Variants in ATAD3A observed in about 807,000 individuals in gnomAD.
The protein encoded by ATAD3A is ATPase family AAA domain containing 3A.
A neutral mutation model predicts 73.8 loss-of-function variants in ATAD3A; 46 were observed. The observed-to-expected ratio is 0.62, with a 90% confidence interval of 0.49 to 0.80. The LOEUF is 0.80. Among genes scored for constraint, ATAD3A ranks in the 30% least tolerant of loss-of-function variants. The pLI is 0.00. For missense variants in ATAD3A, 705 were observed against 838.0 expected (o/e 0.84, Z 1.96); for synonymous variants, 319 against 350.0 (o/e 0.91, Z 0.99).
In ATAD3A at chr1:1,518,975, G is replaced by C; in HGVS notation, c.499G>C (p.Glu167Gln). 1 of 1,614,166 alleles carries C rather than the reference G, an allele frequency of 6.2e-7. No homozygotes were observed. The highest frequency in any genetic ancestry group is 8.5e-7 in the Non-Finnish European group (1 of 1,179,994). The change falls in exon 5 of 16, where the codon GAA (glutamate) becomes CAA (glutamine). Residue 167 changes from glutamate (E) to glutamine (Q), a missense_variant. This residue lies in a region of ATAD3A where 315 missense variants were observed against 334.1 expected (regional missense o/e 0.94). Coordinates refer to ENST00000378756, the MANE Select transcript of ATAD3A (RefSeq NM_001170535.3). ...GCAGGAGGAGTCCGTGCAGAAGCAG[G>C]AAGCCATGCGGCGAGGTAGGCTGTC... is the stretch of plus-strand genomic sequence containing the variant. ...RKQEESVQKQ[E>Q]AMRRATVERE...
At chr1:1,516,960 C>A (rs1478279459) in intron 2 of ATAD3A, 12 of 883,742 alleles carry the variant, frequency 1.4e-5, no homozygotes, top group Non-Finnish European at 2.0e-5. Flanking sequence ...GATCCACCCA[C>A]TTTGGCCTCC....
intron 12 of ATAD3A, 84 bp downstream of exon 12, chr1:1,525,375 C>T: frequency 7.1e-7 from 1 of 1,408,354 alleles, no homozygotes; most frequent in Non-Finnish European, 1.0e-6. Context: ...GCCCTCTGTT[C>T]AGTTTCTTTT....
rs115625686 is a variant in ATAD3A, at chr1:1,526,067, C to T, written c.1267-394C>T. On this transcript the variant is annotated intron_variant, in intron 12 of 15. Transcript: ENST00000378756. ...AGGCAGAATTTTACTCTGTTGCCCA[C>T]GCTGGAGTGCAGCGGTGCAATTTCA... is the stretch of plus-strand genomic sequence containing the variant. Among the ~76,000 whole-genome samples, 1,098 of 150,866 alleles carry T rather than the reference C, an allele frequency of 7.3e-3. 14 individuals carry two copies. The highest frequency in any genetic ancestry group is 0.025 in the African/African-American group (1,044 of 40,972).
At position 1,534,536 on chromosome 1, in the gene ATAD3A, T is replaced by A. The variant is rs1440249488; in HGVS notation, c.*464T>A. 2.2e-6 allele frequency: 1 copy of A among 461,962 alleles called. No individual in the cohort carries two copies. The highest frequency in any genetic ancestry group is 3.2e-6 in the Non-Finnish European group (1 of 310,846). 28.6% of individuals were successfully genotyped at this position (461,962 alleles called of 1,614,324 possible). ...ACCCTGCTTCCCCCTGTGGCCGGCATGCCCCGATCTTTCACACACTGGTGA... is the reference window on the plus strand; with the variant it reads ...ACCCTGCTTCCCCCTGTGGCCGGCAAGCCCCGATCTTTCACACACTGGTGA... On this transcript the variant is annotated 3_prime_UTR_variant, in exon 16 of 16. Transcript: ENST00000378756.
chr1:1,526,031 T>C (rs1641830943), intron 12 of ATAD3A, among the ~76,000 whole-genome samples: 1 of 151,714 alleles, frequency 6.6e-6, no homozygotes, highest in Admixed American at 6.6e-5. Context: ...TTTTTCTTTT[T>C]TTTTTTTTTA....
Position 1,520,309 on chromosome 1 carries a change from G to A in ATAD3A, c.680+3G>A, listed in dbSNP as rs762357408. The A allele has an allele frequency of 6.2e-7, 1 of 1,610,802 alleles. No individual in the cohort carries two copies. The highest frequency in any genetic ancestry group is 1.3e-5 in the African/African-American group (1 of 74,972). The stretch of plus-strand genomic sequence containing the variant: ...CAGACCGTCTTGGAGTCCATCAGGT[G>A]AGCACTGCCGAGGCCCGGGCCGGCC... On this transcript the variant is annotated splice_donor_region_variant and intron_variant, in intron 6 of 15. Coordinates refer to ENST00000378756, the MANE Select transcript of ATAD3A (RefSeq NM_001170535.3). The surrounding 1 kb of genome is among the most constrained non-coding windows in gnomAD (Gnocchi z 4.0).
At chr1:1,522,341 A>G (rs567512030) in intron 7 of ATAD3A, among the ~76,000 whole-genome samples, 69 of 152,264 alleles carry the variant, frequency 4.5e-4, no homozygotes, top group Non-Finnish European at 9.0e-4. Flanking sequence ...GTGCCCAGCC[A>G]GCCTAATTGA....
At chr1:1,530,825 T>A in intron 15 of ATAD3A, among the ~76,000 whole-genome samples, 1 of 70,844 alleles carries the variant, frequency 1.4e-5, no homozygotes, top group Non-Finnish European at 2.3e-5. Flanking sequence ...CGAGACTCCG[T>A]CTCAAAAAAA....
intron 4 of ATAD3A, 107 bp from the exon 5 acceptor site, chr1:1,518,814 A>G: frequency 6.3e-7 from 1 of 1,594,880 alleles, no homozygotes; most frequent in Middle Eastern, 1.7e-4. Context: ...CACCCCGCAA[A>G]CGGGCACACT....
chr1:1,521,027 C>G (rs1459961755), intron 7 of ATAD3A, among the ~76,000 whole-genome samples: 1 of 151,974 alleles, frequency 6.6e-6, no homozygotes, highest in Non-Finnish European at 1.5e-5. Context: ...ATAGTCGTGG[C>G]TCACACCTGT....
rs758062082 is a variant in ATAD3A at position 1,523,880 on chromosome 1, A to C, written c.1005A>C (p.Thr335=). ...GGGTGCGCGACATCGCCATAGCAAC[A>C]AGGAACACCAAGAAGAACCGCAGCC... ...EARVRDIAIA[T]RNTKKNRSLY... Residue 335 remains threonine, a synonymous_variant, in exon 10 of 16, where the codon ACA becomes ACC. Coordinates refer to ENST00000378756, the MANE Select transcript of ATAD3A (RefSeq NM_001170535.3). The surrounding 1 kb of genome is among the most constrained non-coding windows in gnomAD (Gnocchi z 5.1). The C allele has an allele frequency of 3.3e-5, 54 of 1,613,866 alleles. No homozygotes were observed. Among genetic ancestry groups the C allele is most frequent in the Non-Finnish European group, 3.9e-5 (46 of 1,179,970 alleles).
intron 15 of ATAD3A, among the ~76,000 whole-genome samples, chr1:1,530,776 C>G (rs1642005150): frequency 1.8e-5 from 2 of 110,372 alleles, no homozygotes; most frequent in Non-Finnish European, 3.1e-5. Context: ...TTGCAGTGAG[C>G]CGAGATCCCG....
intron 14 of ATAD3A, among the ~76,000 whole-genome samples, chr1:1,528,433 A>C (rs901985249): frequency 2.6e-5 from 4 of 151,898 alleles, no homozygotes; most frequent in Non-Finnish European, 5.9e-5. Context: ...CTGGAGGGAG[A>C]GGCTCCTCAT....
Position 1,516,017 on chromosome 1 carries a change from G to A in ATAD3A, c.211G>A (p.Ala71Thr). Residue 71 changes from alanine (A) to threonine (T), a missense_variant, in exon 2 of 16, where the codon GCC (alanine) becomes ACC (threonine). Physicochemically the swap from Ala to Thr is moderately conservative, Grantham distance 58. Transcript: ENST00000378756. Reference protein sequence around the residue: ...AARELEHSRYAKDALNLAQMQ... With the variant: ...AARELEHSRYTKDALNLAQMQ... ...CCGTGTCCTTGCGTCTGCAGGTTAT[G>A]CCAAGGACGCCCTGAATCTGGCACA... is the stretch of plus-strand genomic sequence containing the variant. 1 of 1,614,034 alleles carries A rather than the reference G, an allele frequency of 6.2e-7. No individual in the cohort carries two copies. Among genetic ancestry groups the A allele is most frequent in the Non-Finnish European group, 8.5e-7 (1 of 1,179,934 alleles).
chr1:1,523,102 G>A lies in ATAD3A; in HGVS notation c.906+203G>A, dbSNP rs1641663743. Among the ~76,000 whole-genome samples the A allele has an allele frequency of 6.6e-6, 1 of 151,812 alleles. No homozygotes were observed. Among genetic ancestry groups the A allele is most frequent in the South Asian group, 2.1e-4 (1 of 4,814 alleles). On this transcript the variant is annotated intron_variant, in intron 8 of 15. Transcript: ENST00000378756. The surrounding 1 kb of genome is among the most constrained non-coding windows in gnomAD (Gnocchi z 5.1). The stretch of plus-strand genomic sequence containing the variant: ...GTGAGACCCTTCCCCTGTCTGCCTC[G>A]GTGTCCCCTGCTCAGGGCTCTTGAT...
rs1642144726 is a variant in ATAD3A, at chr1:1,534,211, T to C, written c.*139T>C. The C allele has an allele frequency of 2.0e-6, 3 of 1,520,230 alleles. No individual in the cohort carries two copies. Among genetic ancestry groups the C allele is most frequent in the Admixed American group, 2.0e-5 (1 of 51,194 alleles). The allele number at this position is 1,520,230 out of a possible 1,614,324, so 94.2% of individuals were successfully genotyped here. ...AGGGCCTCTGTCCCCCAGGATGTCT[T>C]GTGGTGCGGGTCGGCCGTTCTGCCC... On this transcript the variant is annotated 3_prime_UTR_variant, in exon 16 of 16. Coordinates refer to ENST00000378756, the MANE Select transcript of ATAD3A (RefSeq NM_001170535.3).
chr1:1,521,976 G>A (rs573302785), intron 7 of ATAD3A, among the ~76,000 whole-genome samples: 11 of 152,334 alleles, frequency 7.2e-5, no homozygotes, highest in South Asian at 4.1e-4. Context: ...TGATCCAGCC[G>A]TCTTGGCCTC....
At chr1:1,521,554 C>T (rs988742256) in intron 7 of ATAD3A, among the ~76,000 whole-genome samples, 1 of 152,294 alleles carries the variant, frequency 6.6e-6, no homozygotes, top group South Asian at 2.1e-4. Context: ...CTTGCTCTGC[C>T]GTGGTGCCGG....
chr1:1,533,913 C>G lies in ATAD3A; in HGVS notation c.1615-13C>G, dbSNP rs748746213. 9 of 1,610,894 alleles carry G rather than the reference C, an allele frequency of 5.6e-6. No homozygotes were observed. The highest frequency in any genetic ancestry group is 7.6e-6 in the Non-Finnish European group (9 of 1,178,730). On this transcript the variant is annotated splice_polypyrimidine_tract_variant and intron_variant, in intron 15 of 15. Transcript: ENST00000378756. ...CCATGGCGGCCTCCCTCAGCTGCCT[C>G]TCTCCCCACTAGGCCACGGCGTATG... is the stretch of plus-strand genomic sequence containing the variant.
Sources: allele counts gnomAD v4.1 joint callset (sites outside exome capture counted in the v4.1 genomes callset), GRCh38; gene constraint gnomAD v4.1.1; regional missense constraint gnomAD v4.1.1; non-coding constraint Gnocchi (gnomAD v3.1); transcripts MANE v1.5; gene names NCBI Gene and HGNC (gene_info 2026-07-23, HGNC 2026-07-21).